XAF1: variants seen among roughly 807,000 people sequenced by gnomAD.
XAF1 encodes the protein XIAP associated factor 1, also known as XIAP-associated factor 1.
XAF1 carries 32 observed loss-of-function variants against 32.3 expected under a neutral mutation model. That is an observed-to-expected ratio of 0.99 (90% confidence interval 0.75 to 1.33). The LOEUF is 1.33. Among genes scored for constraint, XAF1 ranks in the 40% most tolerant of loss-of-function variants. XAF1 has a pLI of 0.00. For missense variants in XAF1, 379 were observed against 366.0 expected (o/e 1.04, Z -0.29); for synonymous variants, 120 against 125.9 (o/e 0.95, Z 0.31).
intron 4 of XAF1, 21 bp from the exon 5 acceptor site, chr17:6,762,134 G>A (rs955491632): frequency 2.5e-6 from 4 of 1,612,200 alleles, no homozygotes; most frequent in Admixed American, 3.3e-5. Context: ...CATTTGTGGT[G>A]TTGTTTCTCT....
intron 5 of XAF1, among the ~76,000 whole-genome samples, chr17:6,765,743 GCTGCAGCAGTCTCCTAAA>G (rs1975570948): frequency 6.6e-6 from 1 of 152,166 alleles, no homozygotes; most frequent in Non-Finnish European, 1.5e-5. Context: ...TAGCCCAGAT[GCTGCAGCAGTCTCCTAAA>G]CGGTCTTCCT....
chr17:6,759,954 C>T lies in XAF1; in HGVS notation c.225+236C>T, dbSNP rs778376933. 2.0e-4 allele frequency: 134 copies of T among 680,718 alleles called. No individual in the cohort carries two copies. The Middle Eastern group carries it at 4.8e-3, about 24-fold the overall frequency. 42.2% of individuals were successfully genotyped at this position (680,718 alleles called of 1,614,324 possible). A position where few individuals can be genotyped will look rare whatever the true frequency, so the allele number is the denominator to read the frequency against. ...TGAGTCCATCAGAGCTCAGATCCCC[C>T]GAAGGCAGTCCCGCACTCTGGCCCT... On this transcript the variant is annotated intron_variant, in intron 3 of 6. Transcript: ENST00000361842.
At chr17:6,759,870 C>A (rs776757778) in intron 3 of XAF1, 152 bp downstream of exon 3, 2 of 1,297,650 alleles carry the variant, frequency 1.5e-6, no homozygotes, top group South Asian at 2.7e-5. Flanking sequence ...ACTAGCCCAC[C>A]GCATAACACA....
At chr17:6,762,266 A>G in intron 5 of XAF1, 26 bp downstream of exon 5, 1 of 1,567,366 alleles carries the variant, frequency 6.4e-7, no homozygotes, top group South Asian at 1.2e-5. Context: ...TAATTTTCTA[A>G]TGGTGCCAAT....
intron 1 of XAF1, among the ~76,000 whole-genome samples, chr17:6,756,602 C>T (rs1232148536): frequency 1.3e-5 from 2 of 152,078 alleles, no homozygotes; most frequent in Non-Finnish European, 2.9e-5. Context: ...GGAATCTGAC[C>T]GATCAAAAAG....
In XAF1 at chr17:6,774,308, G is replaced by A. The variant is rs577592013; in HGVS notation, c.*1139G>A. On this transcript the variant is annotated 3_prime_UTR_variant, in exon 7 of 7. Coordinates refer to ENST00000361842, the MANE Select transcript of XAF1 (RefSeq NM_017523.5). ...TCTTTGACAAAGTTGACAAAAATACGCAATGGGGAAAGAATTCCCCATTCA... is the reference window on the plus strand; with the variant it reads ...TCTTTGACAAAGTTGACAAAAATACACAATGGGGAAAGAATTCCCCATTCA... 2.6e-5 allele frequency: 4 copies of A among 152,216 alleles called. No homozygotes were observed. Among genetic ancestry groups the A allele is most frequent in the South Asian group, 2.1e-4 (1 of 4,814 alleles). 9.4% of individuals were successfully genotyped at this position (152,216 alleles called of 1,614,324 possible). A position where few individuals can be genotyped will look rare whatever the true frequency, so the allele number is the denominator to read the frequency against.
In XAF1 at chr17:6,756,549, G is replaced by C. The variant is rs1470609211; in HGVS notation, c.32+439G>C. ...GCCGTGGGGCGGGGCAGGGGGGACA[G>C]AGCAGGGGGCTGGGACCACACCTCT... On this transcript the variant is annotated intron_variant, in intron 1 of 6. Coordinates refer to ENST00000361842, the MANE Select transcript of XAF1 (RefSeq NM_017523.5). 4.6e-5 allele frequency among the ~76,000 whole-genome samples: 7 copies of C among 151,740 alleles called. No individual in the cohort carries two copies. The South Asian group carries it at 1.5e-3, about 32-fold the overall frequency.
At chr17:6,772,321 GT>G (rs1416409251) in intron 6 of XAF1, among the ~76,000 whole-genome samples, 1 of 151,794 alleles carries the variant, frequency 6.6e-6, no homozygotes. Flanking sequence ...TGCAATGATT[GT>G]TTTGCTAAAA....
In XAF1 at chr17:6,772,502, G is replaced by A. The variant is rs187968019; in HGVS notation, c.850-611G>A. Among the ~76,000 whole-genome samples the A allele has an allele frequency of 5.1e-3, 594 of 115,506 alleles. 5 individuals are homozygous for A. The highest frequency in any genetic ancestry group is 7.7e-3 in the Non-Finnish European group (475 of 61,752). 75.8% of individuals were successfully genotyped at this position (115,506 alleles called of 152,430 possible). ...TTTTTTTTTTTTGAGACAGAGTCTC[G>A]CTCTGTCACCCAGGCTGGAATGCAG... On this transcript the variant is annotated intron_variant, in intron 6 of 6. Coordinates refer to ENST00000361842, the MANE Select transcript of XAF1 (RefSeq NM_017523.5).
At chr17:6,757,420 GA>G (rs2151523945) in intron 1 of XAF1, 1 of 152,376 alleles carries the variant, frequency 6.6e-6, no homozygotes, top group East Asian at 1.9e-4. Flanking sequence ...GAGTCTCTGT[GA>G]GTTAGCGCAG....
intron 6 of XAF1, 105 bp from the exon 7 acceptor site, chr17:6,773,008 C>A: frequency 1.0e-6 from 1 of 991,604 alleles, no homozygotes; most frequent in Non-Finnish European, 1.5e-6. Context: ...AGTCTTTGGG[C>A]AGGGCTCATG....
At chr17:6,757,958 G>T (rs565269390) in intron 1 of XAF1, 131 bp from the exon 2 acceptor site, 1 of 1,242,616 alleles carries the variant, frequency 8.0e-7, no homozygotes, top group Admixed American at 1.9e-5. Context: ...TGTGGGGCAG[G>T]TGGTGTCATC....
intron 5 of XAF1, among the ~76,000 whole-genome samples, chr17:6,763,930 T>C (rs928816422): frequency 6.6e-6 from 1 of 152,208 alleles, no homozygotes; most frequent in Non-Finnish European, 1.5e-5. Context: ...AAGTGGTCCA[T>C]GTGTTCTGTT....
chr17:6,756,282 T>G, intron 1 of XAF1, 172 bp downstream of exon 1: 5 of 1,316,210 alleles, frequency 3.8e-6, no homozygotes, highest in East Asian at 3.2e-5. Context: ...CTTGGTAATC[T>G]CTGGGTGGGG....
chr17:6,757,697 C>T (rs1974798834), intron 1 of XAF1, among the ~76,000 whole-genome samples: 5 of 103,674 alleles, frequency 4.8e-5, no homozygotes, highest in Admixed American at 4.7e-4. Context: ...AATTGACCTA[C>T]AATAAACCTC....
chr17:6,772,083 T>C (rs1567664077), intron 6 of XAF1, among the ~76,000 whole-genome samples: 1 of 152,248 alleles, frequency 6.6e-6, no homozygotes, highest in Non-Finnish European at 1.5e-5. Flanking sequence ...TGCATCTATG[T>C]ATGCACATAA....
chr17:6,772,234 A>T (rs1372207475), intron 6 of XAF1, among the ~76,000 whole-genome samples: 1 of 152,194 alleles, frequency 6.6e-6, no homozygotes, highest in Non-Finnish European at 1.5e-5. Flanking sequence ...CAGATTTAGC[A>T]AATAAAAATA....
rs1339710064 is a variant in XAF1 at position 6,758,150 on chromosome 17, G to C, written c.94G>C (p.Val32Leu). ...TGAGGCTTACTGCCTGCGGTTCCTGGTCCTGTGTCCGGAGTGTGAGGAGCC... is the reference window on the plus strand; with the variant it reads ...TGAGGCTTACTGCCTGCGGTTCCTGCTCCTGTGTCCGGAGTGTGAGGAGCC... ...LHEAYCLRFL[V>L]LCPECEEPVP... Residue 32 changes from valine to leucine, a missense_variant, in exon 2 of 7, where the codon GTC becomes CTC. Coordinates refer to ENST00000361842, the MANE Select transcript of XAF1 (RefSeq NM_017523.5). The C allele has an allele frequency of 3.7e-6, 6 of 1,614,236 alleles. No homozygotes were observed. Among genetic ancestry groups the C allele is most frequent in the Non-Finnish European group, 5.1e-6 (6 of 1,180,040 alleles).
chr17:6,757,376 C>T (rs551711343), intron 1 of XAF1: 1 of 151,660 alleles, frequency 6.6e-6, no homozygotes. Context: ...GGCTCAGAAC[C>T]CTTCCTTCAC....
Sources: allele counts gnomAD v4.1 joint callset (sites outside exome capture counted in the v4.1 genomes callset), GRCh38; gene constraint gnomAD v4.1.1; transcripts MANE v1.5; gene names NCBI Gene and HGNC (gene_info 2026-07-23, HGNC 2026-07-21).